Variants in UGT1A10 observed in about 807,000 individuals in gnomAD.
The protein encoded by UGT1A10 is UDP glucuronosyltransferase family 1 member A10.
In UGT1A10, 49 loss-of-function variants were observed where a neutral mutation model predicts 45.8. That is an observed-to-expected ratio of 1.07 (90% CI 0.85 to 1.36). The LOEUF (loss-of-function observed/expected upper bound fraction) is 1.36. Among genes scored for constraint, UGT1A10 ranks in the 40% most tolerant of loss-of-function variants. The pLI is 0.00. For synonymous variants in UGT1A10, 284 were observed against 249.7 expected (o/e 1.14, Z -1.29); for missense variants, 745 against 668.6 (o/e 1.11, Z -1.26).
intron 1 of UGT1A10, among the ~76,000 whole-genome samples, chr2:233,704,354 C>T (rs11683974): frequency 0.019 from 2,858 of 147,810 alleles, 31 homozygotes; most frequent in Non-Finnish European, 0.03. Flanking sequence ...GTGTTCTGAG[C>T]GGTTGTTCTA....
At chr2:233,654,205 G>GA (rs1234942603) in intron 1 of UGT1A10, among the ~76,000 whole-genome samples, 2 of 152,102 alleles carry the variant, frequency 1.3e-5, no homozygotes, top group Non-Finnish European at 2.9e-5. Flanking sequence ...AGAAAAAAAG[G>GA]AAAAAAACCT....
intron 1 of UGT1A10, among the ~76,000 whole-genome samples, chr2:233,644,341 G>A (rs770083389): frequency 1.3e-5 from 2 of 152,178 alleles, no homozygotes; most frequent in Non-Finnish European, 2.9e-5. Flanking sequence ...GCTGAGGTGG[G>A]TGGATCACTT....
rs558770255 is a variant in UGT1A10, at chr2:233,763,535, G to A, written c.856-3499G>A. Among the ~76,000 whole-genome samples the A allele has an allele frequency of 7.2e-5, 11 of 152,022 alleles. No homozygotes were observed. The East Asian group carries it at 9.7e-4, about 13-fold the overall frequency. ...TTGACTTTGCCATTCTCCTTTTTCC[G>A]GATTTCTACTGGTTGGTCAAGTTAC... On this transcript the variant is annotated intron_variant, in intron 1 of 4. Coordinates refer to ENST00000344644, the MANE Select transcript of UGT1A10 (RefSeq NM_019075.4).
rs1407595030 is a variant in UGT1A10, at chr2:233,768,410, T to C, written c.1266T>C (p.Asn422=). 6.2e-7 allele frequency: 1 copy of C among 1,614,120 alleles called. No homozygotes were observed. Among genetic ancestry groups the C allele is most frequent in the East Asian group, 2.2e-5 (1 of 44,882 alleles). ...AAATGACTTCTGAAGATTTAGAAAA[T>C]GCTCTAAAAGCAGTCATCAATGACA... is the stretch of plus-strand genomic sequence containing the variant. ...VLEMTSEDLE[N]ALKAVINDKS... Residue 422 remains asparagine, a synonymous_variant, in exon 4 of 5, where the codon AAT becomes AAC. Transcript: ENST00000344644.
intron 1 of UGT1A10, among the ~76,000 whole-genome samples, chr2:233,727,690 C>G (rs1223646501): frequency 6.6e-6 from 1 of 152,230 alleles, no homozygotes; most frequent in African/African-American, 2.4e-5. Context: ...GAATCATCCT[C>G]TACTGGACAG....
At chr2:233,647,685 T>A (rs956814488) in intron 1 of UGT1A10, among the ~76,000 whole-genome samples, 3 of 152,240 alleles carry the variant, frequency 2.0e-5, no homozygotes, top group Admixed American at 6.5e-5. Context: ...ATGAACTTGT[T>A]CATGTTTCTT....
rs1699877276 is a variant in UGT1A10, at chr2:233,769,473, G to T, written c.1295+1034G>T. 7 of 1,609,972 alleles carry T rather than the reference G, an allele frequency of 4.3e-6. No homozygotes were observed. Among genetic ancestry groups the T allele is most frequent in the South Asian group, 2.2e-5 (2 of 90,952 alleles). On this transcript the variant is annotated intron_variant, in intron 4 of 4. Transcript: ENST00000344644. The surrounding 1 kb of genome is among the most constrained non-coding windows in gnomAD (Gnocchi z 4.4). ...CGTGTGCATTCATATGCGTGTGTGT[G>T]TGTGTGCGTGTGTTTATGAGAGTGT... is the stretch of plus-strand genomic sequence containing the variant.
At chr2:233,673,229 G>C (rs1406544946) in intron 1 of UGT1A10, among the ~76,000 whole-genome samples, 2 of 151,920 alleles carry the variant, frequency 1.3e-5, no homozygotes, top group Non-Finnish European at 2.9e-5. Flanking sequence ...ATCTAGTATT[G>C]GGCTGGACAT....
At chr2:233,688,240 G>A (rs546662065) in intron 1 of UGT1A10, among the ~76,000 whole-genome samples, 1 of 152,328 alleles carries the variant, frequency 6.6e-6, no homozygotes, top group South Asian at 2.1e-4. Context: ...GCATGAATCA[G>A]TATTTCATTC....
At chr2:233,644,012 G>A (rs970866564) in intron 1 of UGT1A10, among the ~76,000 whole-genome samples, 5 of 152,136 alleles carry the variant, frequency 3.3e-5, no homozygotes, top group African/African-American at 1.2e-4. Flanking sequence ...TGCATCCTGG[G>A]ATTAGGGGAG....
intron 1 of UGT1A10, among the ~76,000 whole-genome samples, chr2:233,738,515 G>A (rs2125816431): frequency 6.6e-6 from 1 of 152,322 alleles, no homozygotes; most frequent in African/African-American, 2.4e-5. Context: ...TGCTGATAAT[G>A]TTGTGGACAA....
chr2:233,690,459 C>A, intron 1 of UGT1A10: 1 of 1,288,310 alleles, frequency 7.8e-7, no homozygotes, highest in Non-Finnish European at 1.0e-6. Context: ...AAAATGCCAG[C>A]TATCCTCCAT....
intron 1 of UGT1A10, among the ~76,000 whole-genome samples, chr2:233,679,282 C>T (rs755916261): frequency 7.2e-5 from 11 of 152,290 alleles, no homozygotes; most frequent in Non-Finnish European, 1.5e-4. Context: ...GCATTTTCTG[C>T]CTTCACGGAC....
intron 1 of UGT1A10, chr2:233,747,987 G>A: frequency 6.2e-7 from 1 of 1,613,454 alleles, no homozygotes; most frequent in Non-Finnish European, 8.5e-7. Context: ...GCTGTTCCGA[G>A]GGGACTTTGT....
At chr2:233,696,793 T>C (rs781512293) in intron 1 of UGT1A10, among the ~76,000 whole-genome samples, 5 of 152,308 alleles carry the variant, frequency 3.3e-5, no homozygotes, top group Middle Eastern at 3.4e-3. Context: ...TTTTGAGGTA[T>C]GTTCCTTCTG....
intron 1 of UGT1A10, chr2:233,672,355 T>C: frequency 2.5e-6 from 4 of 1,614,186 alleles, no homozygotes; most frequent in Non-Finnish European, 3.4e-6. Flanking sequence ...AAAGGAGAGT[T>C]CTTTTGATGC....
At chr2:233,658,771 C>G (rs971264563) in intron 1 of UGT1A10, among the ~76,000 whole-genome samples, 9 of 152,172 alleles carry the variant, frequency 5.9e-5, no homozygotes, top group Non-Finnish European at 8.8e-5. Context: ...TTTGTAAAAA[C>G]TTGGTTGTTC....
At position 233,664,690 on chromosome 2, in the gene UGT1A10, A is replaced by G. The variant is rs546607580; in HGVS notation, c.855+27313A>G. On this transcript the variant is annotated intron_variant, in intron 1 of 4. Transcript: ENST00000344644. ...ACTATTGCAAGGACAACACAAAGCC[A>G]TGAGGGATCCACCCCCATGATCCAA... is the stretch of plus-strand genomic sequence containing the variant. 2.6e-5 allele frequency among the ~76,000 whole-genome samples: 4 copies of G among 152,314 alleles called. No homozygotes were observed. In the South Asian group the frequency reaches 8.3e-4, roughly 32 times the overall value.
At position 233,754,981 on chromosome 2, in the gene UGT1A10, C is replaced by G. The variant is rs561889596; in HGVS notation, c.856-12053C>G. 2.3e-6 allele frequency: 3 copies of G among 1,295,894 alleles called. No individual in the cohort carries two copies. The Admixed American group carries it at 5.7e-5, about 25-fold the overall frequency. 80.3% of individuals were successfully genotyped at this position (1,295,894 alleles called of 1,614,324 possible). ...CCAAAGAACTCCCTGAAGACCTCGG[C>G]GGGGTCACGGAAGCTGAAGACCTAC... On this transcript the variant is annotated intron_variant, in intron 1 of 4. Coordinates refer to ENST00000344644, the MANE Select transcript of UGT1A10 (RefSeq NM_019075.4).
Sources: gnomAD v4.1 joint callset for allele counts (sites outside exome capture counted in the v4.1 genomes callset) on GRCh38, gnomAD v4.1.1 for gene constraint, Gnocchi (gnomAD v3.1) non-coding constraint, MANE v1.5 for transcripts, NCBI Gene and HGNC (gene_info 2026-07-23, HGNC 2026-07-21) for gene names.